Variants in HIVEP3 observed in about 807,000 individuals in gnomAD.
HIVEP3 encodes the protein transcription factor HIVEP3.
In HIVEP3, 49 loss-of-function variants were observed where a neutral mutation model predicts 152.8. That is an observed-to-expected ratio of 0.32 (90% confidence interval 0.26 to 0.41). HIVEP3 has a LOEUF of 0.41. Ranked by LOEUF, HIVEP3 falls within the 10% of genes least tolerant of loss-of-function variation. The pLI is 1.00. For missense variants in HIVEP3, 2,790 were observed against 3,103.3 expected (o/e 0.90, Z 2.40); for synonymous variants, 1,269 against 1,289.0 (o/e 0.98, Z 0.33).
chr1:41,751,328 T>TTTC (rs1647159891), intron 1 of HIVEP3, among the ~76,000 whole-genome samples: 1 of 147,310 alleles, frequency 6.8e-6, no homozygotes, highest in Admixed American at 6.8e-5. Flanking sequence ...ACACACATTT[T>TTTC]TTTTTTTTTT....
At chr1:41,816,695 A>T (rs947755147) in intron 1 of HIVEP3, among the ~76,000 whole-genome samples, 4 of 152,184 alleles carry the variant, frequency 2.6e-5, no homozygotes, top group African/African-American at 9.7e-5. Flanking sequence ...AAACAAAACA[A>T]AACAAAACAA....
intron 1 of HIVEP3, among the ~76,000 whole-genome samples, chr1:41,763,148 G>T (rs889898717): frequency 6.6e-6 from 1 of 152,186 alleles, no homozygotes; most frequent in Non-Finnish European, 1.5e-5. Flanking sequence ...TAACAAAGGG[G>T]TCAGAGACCC....
chr1:41,608,655 G>T (rs956032370), intron 3 of HIVEP3, among the ~76,000 whole-genome samples: 2 of 152,228 alleles, frequency 1.3e-5, no homozygotes, highest in African/African-American at 4.8e-5. Flanking sequence ...AATGTTTTCT[G>T]CTCTGATTGC....
At chr1:41,794,352 G>GAATTATTAAAATTATTAA in intron 1 of HIVEP3, among the ~76,000 whole-genome samples, 1 of 152,140 alleles carries the variant, frequency 6.6e-6, no homozygotes, top group Admixed American at 6.5e-5. Flanking sequence ...TGACACGTGG[G>GAATTATTAAAATTATTAA]AATTATTAAA....
At chr1:41,924,399 T>G (rs1168281980) in intron 1 of HIVEP3, among the ~76,000 whole-genome samples, 1 of 152,188 alleles carries the variant, frequency 6.6e-6, no homozygotes, top group Non-Finnish European at 1.5e-5. Flanking sequence ...ACAACCACCA[T>G]GATGAGAAAC....
At chr1:41,845,452 C>A (rs1643416550) in intron 1 of HIVEP3, among the ~76,000 whole-genome samples, 1 of 150,172 alleles carries the variant, frequency 6.7e-6, no homozygotes, top group South Asian at 2.1e-4. Flanking sequence ...CACACACACA[C>A]ACACACGCCT....
intron 2 of HIVEP3, among the ~76,000 whole-genome samples, chr1:41,696,313 C>T (rs528787621): frequency 4.6e-5 from 7 of 152,372 alleles, no homozygotes; most frequent in African/African-American, 1.4e-4. Context: ...CACCTGCCCA[C>T]GGGGCGCAGC....
At chr1:41,908,783 T>C (rs1644753351) in intron 1 of HIVEP3, among the ~76,000 whole-genome samples, 1 of 152,194 alleles carries the variant, frequency 6.6e-6, no homozygotes, top group African/African-American at 2.4e-5. Flanking sequence ...ATCTGAAGCC[T>C]AGTATAAGAG....
chr1:41,661,283 A>G (rs1645708001), intron 2 of HIVEP3, among the ~76,000 whole-genome samples: 1 of 152,144 alleles, frequency 6.6e-6, no homozygotes, highest in Admixed American at 6.5e-5. Flanking sequence ...TAGATAAACA[A>G]CTGTGGCCAC....
chr1:41,681,649 T>A (rs1646040590), intron 2 of HIVEP3, among the ~76,000 whole-genome samples: 1 of 152,196 alleles, frequency 6.6e-6, no homozygotes, highest in African/African-American at 2.4e-5. Context: ...GCCAGAATGG[T>A]GCAGCGCTGG....
chr1:41,550,166 G>A (rs1643879796), intron 5 of HIVEP3, among the ~76,000 whole-genome samples: 1 of 152,180 alleles, frequency 6.6e-6, no homozygotes, highest in Admixed American at 6.5e-5. Flanking sequence ...TGTCATGTTT[G>A]TCAAAGATCA....
chr1:41,759,078 A>G lies in HIVEP3; in HGVS notation c.-800-58083T>C, dbSNP rs147092436. Among the ~76,000 whole-genome samples the G allele has an allele frequency of 5.2e-4, 79 of 152,176 alleles. 1 individual carries two copies. The East Asian group carries it at 0.013, about 24-fold the overall frequency. On this transcript the variant is annotated intron_variant, in intron 1 of 8. Coordinates refer to ENST00000372583, the MANE Select transcript of HIVEP3 (RefSeq NM_024503.5). Reference sequence around the variant, plus strand: ...TTGATGACTCAAATGGAAATTCCATAATCATTAGCAGTAACTCCCCATTTC... The same window carrying G: ...TTGATGACTCAAATGGAAATTCCATGATCATTAGCAGTAACTCCCCATTTC...
intron 1 of HIVEP3, among the ~76,000 whole-genome samples, chr1:41,855,760 A>G (rs1359085458): frequency 6.6e-6 from 1 of 152,210 alleles, no homozygotes; most frequent in African/African-American, 2.4e-5. Context: ...ACAAATTCAA[A>G]TGCTCACAGA....
At chr1:41,846,703 G>A (rs1484010851) in intron 1 of HIVEP3, among the ~76,000 whole-genome samples, 2 of 152,274 alleles carry the variant, frequency 1.3e-5, no homozygotes, top group Non-Finnish European at 2.9e-5. Flanking sequence ...TGAAGTAAAT[G>A]TGTGTGATGA....
Position 42,005,927 on chromosome 1 carries a change from A to G in HIVEP3, n.119+29880T>C, listed in dbSNP as rs191249346. ...TTGGCTGGTTCAGTGAGAGTGGTTT[A>G]GAAGTAAGGTCTCCAGTCTTTCATA... On this transcript the variant is annotated intron_variant and non_coding_transcript_variant, in intron 1 of 3. Transcript: ENST00000489103. Among the ~76,000 whole-genome samples, 476 of 152,340 alleles carry G rather than the reference A, an allele frequency of 3.1e-3. 2 individuals are homozygous for G. The highest frequency in any genetic ancestry group is 0.011 in the African/African-American group (464 of 41,574).
intron 1 of HIVEP3, among the ~76,000 whole-genome samples, chr1:41,911,380 T>G (rs574831062): frequency 1.3e-5 from 2 of 152,294 alleles, no homozygotes; most frequent in South Asian, 4.1e-4. Flanking sequence ...TTTGCAAGAT[T>G]AGAGAGCAGT....
intron 1 of HIVEP3, among the ~76,000 whole-genome samples, chr1:41,914,507 A>T (rs1256997416): frequency 2.6e-5 from 4 of 152,206 alleles, no homozygotes; most frequent in Non-Finnish European, 5.9e-5. Context: ...ATATGTATTG[A>T]ATTTTTAAAA....
intron 1 of HIVEP3, among the ~76,000 whole-genome samples, chr1:41,899,353 A>G (rs1345858705): frequency 6.6e-6 from 1 of 152,214 alleles, no homozygotes. Context: ...TACTCTCCTG[A>G]TGATGTTTAT....
chr1:41,924,239 G>A (rs1204493109), intron 1 of HIVEP3, among the ~76,000 whole-genome samples: 1 of 152,138 alleles, frequency 6.6e-6, no homozygotes, highest in Non-Finnish European at 1.5e-5. Context: ...GAAAGAGGTA[G>A]GAATGGATTC....
Sources: gnomAD v4.1 joint callset for allele counts (sites outside exome capture counted in the v4.1 genomes callset) on GRCh38, gnomAD v4.1.1 for gene constraint, MANE v1.5 for transcripts, NCBI Gene and HGNC (gene_info 2026-07-23, HGNC 2026-07-21) for gene names.